Variants in SPNS3 observed in about 807,000 individuals in gnomAD.
SPNS3 encodes the protein protein spinster homolog 3.
Under a neutral mutation model 54.4 loss-of-function variants are expected in SPNS3, and 51 were observed. That is an observed-to-expected ratio of 0.94 (90% CI 0.75 to 1.18). The LOEUF (loss-of-function observed/expected upper bound fraction) is 1.18. Ranked by LOEUF, SPNS3 falls within the 50% of genes most tolerant of loss-of-function variation. The probability of loss-of-function intolerance (pLI) is 0.00; values close to 1 mark genes in which losing one functional copy is unlikely to be tolerated. For synonymous variants in SPNS3, 309 were observed against 294.7 expected (o/e 1.05, Z -0.50); for missense variants, 669 against 677.4 (o/e 0.99, Z 0.14).
chr17:4,472,578 TC>T (rs1294949518), intron 8 of SPNS3, among the ~76,000 whole-genome samples: 1 of 152,034 alleles, frequency 6.6e-6, no homozygotes, highest in Admixed American at 6.6e-5. Context: ...TTGAGTGGAG[TC>T]CGTGATTGGA....
chr17:4,465,171 C>A (rs183555538), intron 8 of SPNS3, among the ~76,000 whole-genome samples: 21 of 152,236 alleles, frequency 1.4e-4, no homozygotes, highest in African/African-American at 4.6e-4. Flanking sequence ...GTGGGGCCTG[C>A]CTGGCAGTCG....
Position 4,486,389 on chromosome 17 carries a change from G to A in SPNS3, c.1279-23G>A. The A allele has an allele frequency of 6.3e-7, 1 of 1,597,358 alleles. No homozygotes were observed. The highest frequency in any genetic ancestry group is 8.5e-7 in the Non-Finnish European group (1 of 1,170,376). Reference sequence around the variant, plus strand: ...GGGGGCCAGGCTGGTGGGCCTGGCAGACTCATCCCTTCTCCTCCGCAGATC... The same window carrying A: ...GGGGGCCAGGCTGGTGGGCCTGGCAAACTCATCCCTTCTCCTCCGCAGATC... On this transcript the variant is annotated intron_variant, in intron 10 of 11. Transcript: ENST00000355530. This position sits in a 1 kb window ranked among gnomAD's most constrained non-coding sequence, Gnocchi z 5.5.
At chr17:4,444,339 C>T (rs954046739) in intron 2 of SPNS3, among the ~76,000 whole-genome samples, 6 of 151,806 alleles carry the variant, frequency 4.0e-5, no homozygotes, top group Admixed American at 1.3e-4. Flanking sequence ...CTCATCCTCT[C>T]GAGTAGCTGG....
In SPNS3 at chr17:4,446,285, G is replaced by A. The variant is rs1970986107; in HGVS notation, c.554+86G>A. On this transcript the variant is annotated intron_variant, in intron 4 of 11. Coordinates refer to ENST00000355530, the MANE Select transcript of SPNS3 (RefSeq NM_182538.5). ...ACAGGGGCTGGACCTGGGTAGGAGA[G>A]GTCAAACCAGGAGGGCTGGGATTTG... 2.2e-5 allele frequency: 31 copies of A among 1,436,832 alleles called. 1 individual carries two copies. Among genetic ancestry groups the A allele is most frequent in the Non-Finnish European group, 2.9e-5 (31 of 1,061,586 alleles). 89.0% of individuals were successfully genotyped at this position (1,436,832 alleles called of 1,614,324 possible). A position where few individuals can be genotyped will look rare whatever the true frequency, so the allele number is the denominator to read the frequency against.
rs140593042 is a variant in SPNS3 at position 4,486,474 on chromosome 17, G to A, written c.1341G>A (p.Gln447=). Residue 447 remains glutamine, a synonymous_variant, in exon 11 of 12, where the codon CAG becomes CAA. Transcript: ENST00000355530. The surrounding 1 kb of genome is among the most constrained non-coding windows in gnomAD (Gnocchi z 5.5). ...ATCTGCAGCGCTTCCGCAGCCTGCA[G>A]CAGAGCTTCCTGTGCTGCGCCTTTG... ...DSYLQRFRSL[Q]QSFLCCAFVI... is the part of the protein sequence containing the mutation. 5.3e-5 allele frequency: 86 copies of A among 1,613,550 alleles called. 1 individual carries two copies. The highest frequency in any genetic ancestry group is 5.3e-4 in the South Asian group (48 of 91,072).
intron 8 of SPNS3, among the ~76,000 whole-genome samples, chr17:4,456,281 C>T (rs1297845682): frequency 3.3e-5 from 5 of 151,978 alleles, no homozygotes; most frequent in African/African-American, 1.2e-4. Flanking sequence ...TAAATCCTCC[C>T]CTGAGCATGA....
Position 4,453,157 on chromosome 17 carries a change from C to T in SPNS3, c.1065C>T (p.Cys355=). Residue 355 remains cysteine (C), a synonymous_variant, in exon 8 of 12, where the codon TGC becomes TGT. Transcript: ENST00000355530. ...CASSLLATAP[C]LYLALVLAPT... is the part of the protein sequence containing the mutation. The stretch of plus-strand genomic sequence containing the variant: ...CCAGCCTGCTTGCCACAGCCCCCTG[C>T]CTCTACCTGGCTCTCGTCCTGGCCC... 1 of 1,614,012 alleles carries T rather than the reference C, an allele frequency of 6.2e-7. No individual in the cohort carries two copies. Among genetic ancestry groups the T allele is most frequent in the Admixed American group, 1.7e-5 (1 of 60,012 alleles).
intron 2 of SPNS3, among the ~76,000 whole-genome samples, chr17:4,440,402 T>C (rs1214544716): frequency 2.0e-5 from 3 of 152,058 alleles, no homozygotes; most frequent in Non-Finnish European, 2.9e-5. Flanking sequence ...GCACCGAGGG[T>C]CCTCACAGTC....
chr17:4,461,611 C>T (rs932287567), intron 8 of SPNS3, among the ~76,000 whole-genome samples: 9 of 151,806 alleles, frequency 5.9e-5, no homozygotes, highest in East Asian at 1.9e-4. Context: ...TGAGATGATG[C>T]GGTTTGAACC....
intron 2 of SPNS3, among the ~76,000 whole-genome samples, chr17:4,441,805 G>GA (rs1467778441): frequency 2.0e-5 from 3 of 150,620 alleles, no homozygotes. Context: ...GTGTTGGGGG[G>GA]GGTCTCACCA....
chr17:4,448,212 C>G lies in SPNS3; in HGVS notation c.679C>G (p.Pro227Ala). ...CCTGCTTATCCTGCTGGTTCCAGAC[C>G]CACCCCGGGGAGCTGCCGAGACACA... ...LILLILLVPD[P>A]PRGAAETQGE... Residue 227 changes from proline (P) to alanine (A), a missense_variant, in exon 6 of 12, where the codon CCA becomes GCA. Physicochemically the swap from Pro to Ala is conservative, Grantham distance 27. Transcript: ENST00000355530. The G allele has an allele frequency of 6.2e-7, 1 of 1,605,090 alleles. No individual in the cohort carries two copies. The highest frequency in any genetic ancestry group is 8.5e-7 in the Non-Finnish European group (1 of 1,175,872).
At chr17:4,479,098 A>G (rs1336365702) in intron 9 of SPNS3, among the ~76,000 whole-genome samples, 1 of 151,978 alleles carries the variant, frequency 6.6e-6, no homozygotes, top group Non-Finnish European at 1.5e-5. Context: ...ACCCGCCACC[A>G]TGCCCGGCTA....
In SPNS3 at chr17:4,446,213, G is replaced by A. The variant is rs56005249; in HGVS notation, c.554+14G>A. 0.16 allele frequency: 254,460 copies of A among 1,601,900 alleles called. 20,957 individuals carry two copies. The highest frequency in any genetic ancestry group is 0.24 in the Middle Eastern group (1,418 of 6,024). ...CCCCGTTGGAAGGTTGGTATCACCC[G>A]TGGGTCTACTTCCCCAGGTGGTAAA... On this transcript the variant is annotated intron_variant, in intron 4 of 11. Coordinates refer to ENST00000355530, the MANE Select transcript of SPNS3 (RefSeq NM_182538.5).
At chr17:4,436,849 T>C (rs1421111847) in intron 1 of SPNS3, among the ~76,000 whole-genome samples, 1 of 152,120 alleles carries the variant, frequency 6.6e-6, no homozygotes, top group Admixed American at 6.6e-5. Flanking sequence ...AGTTGGAGTG[T>C]GGGCCAAGGG....
chr17:4,470,945 A>T (rs979732878), intron 8 of SPNS3, among the ~76,000 whole-genome samples: 3 of 151,666 alleles, frequency 2.0e-5, no homozygotes, highest in Admixed American at 6.6e-5. Flanking sequence ...TTTTTGTGAG[A>T]CACAGTTTCG....
At chr17:4,461,979 G>A (rs1971519195) in intron 8 of SPNS3, among the ~76,000 whole-genome samples, 1 of 152,096 alleles carries the variant, frequency 6.6e-6, no homozygotes, top group Admixed American at 6.6e-5. Flanking sequence ...CATTTTTGGG[G>A]AGCAAAAGGA....
intron 8 of SPNS3, among the ~76,000 whole-genome samples, chr17:4,477,031 G>T (rs1049720980): frequency 6.6e-6 from 1 of 152,172 alleles, no homozygotes; most frequent in Non-Finnish European, 1.5e-5. Flanking sequence ...CTGTCCAGGG[G>T]CCCCCTGCCC....
chr17:4,467,308 CAA>C (rs201101660), intron 8 of SPNS3, among the ~76,000 whole-genome samples: 2 of 148,600 alleles, frequency 1.3e-5, no homozygotes, highest in African/African-American at 2.5e-5. Context: ...TCTACTGCTG[CAA>C]AAAAAAAATC....
chr17:4,461,235 T>A (rs1262442701), intron 8 of SPNS3, among the ~76,000 whole-genome samples: 1 of 151,948 alleles, frequency 6.6e-6, no homozygotes, highest in Non-Finnish European at 1.5e-5. Flanking sequence ...GTAATTTGAG[T>A]CTTTTTTTCT....
Sources: gnomAD v4.1 joint callset for allele counts (sites outside exome capture counted in the v4.1 genomes callset) on GRCh38, gnomAD v4.1.1 for gene constraint, Gnocchi (gnomAD v3.1) non-coding constraint, MANE v1.5 for transcripts, NCBI Gene and HGNC (gene_info 2026-07-23, HGNC 2026-07-21) for gene names.